The following DMD variants were observed in gnomAD, a reference collection of about 807,000 sequenced individuals.
The protein encoded by DMD is dystrophin, also known as mutant dystrophin.
A neutral mutation model predicts 330.1 loss-of-function variants in DMD; 63 were observed. That is an observed-to-expected ratio of 0.19 (90% CI 0.16 to 0.24). DMD has a LOEUF of 0.24. Ranked by LOEUF, DMD falls within the 10% of genes least tolerant of loss-of-function variation. DMD has a pLI of 1.00. For missense variants in DMD, 3,344 were observed against 2,684.1 expected (o/e 1.25, Z -5.43); for synonymous variants, 1,223 against 959.8 (o/e 1.27, Z -5.07).
intron 4 of DMD, among the ~76,000 whole-genome samples, chrX:32,839,423 C>T (rs2079957763): frequency 8.9e-6 from 1 of 111,743 alleles, no homozygotes; most frequent in Admixed American, 9.5e-5. Flanking sequence ...AGTATATATG[C>T]TTCATATTGC....
rs144519246 is a variant in DMD at position 32,452,749 on chromosome X, G to C, written c.3603+1913C>G. 6.8e-3 allele frequency among the ~76,000 whole-genome samples: 749 copies of C among 110,516 alleles called. 7 individuals are homozygous for C. The highest frequency in any genetic ancestry group is 0.055 in the South Asian group (146 of 2,641). ...CAAAGTCAAATTTTAAATTATTTTG[G>C]TCTTTTGAAATACTCCAATGGTTTT... On this transcript the variant is annotated intron_variant, in intron 26 of 78. Transcript: ENST00000357033.
At chrX:32,587,058 C>T (rs2054369399) in intron 13 of DMD, among the ~76,000 whole-genome samples, 1 of 111,126 alleles carries the variant, frequency 9.0e-6, no homozygotes, top group South Asian at 3.8e-4. Context: ...TAAATAACTT[C>T]TATTTCTTAA....
intron 57 of DMD, among the ~76,000 whole-genome samples, chrX:31,496,557 C>CT (rs1161964946): frequency 9.0e-6 from 1 of 111,179 alleles, no homozygotes; most frequent in Non-Finnish European, 1.9e-5. Context: ...TCATGAAAAG[C>CT]TTTTTTTTAT....
At chrX:32,824,803 G>A (rs1270046392) in intron 4 of DMD, among the ~76,000 whole-genome samples, 3 of 111,784 alleles carry the variant, frequency 2.7e-5, no homozygotes, top group Non-Finnish European at 5.6e-5. Flanking sequence ...AATACTATTG[G>A]TGGTTTTATG....
intron 7 of DMD, among the ~76,000 whole-genome samples, chrX:32,723,165 C>CT (rs1325394994): frequency 9.0e-6 from 1 of 111,399 alleles, no homozygotes; most frequent in Non-Finnish European, 1.9e-5. Flanking sequence ...TTATCAAATG[C>CT]TTTTTCTGCA....
intron 1 of DMD, among the ~76,000 whole-genome samples, chrX:33,270,353 A>C (rs1459147331): frequency 1.8e-5 from 2 of 111,371 alleles, no homozygotes; most frequent in Non-Finnish European, 3.8e-5. Context: ...AAAATCAGAC[A>C]AAGAATGGCA....
intron 44 of DMD, among the ~76,000 whole-genome samples, chrX:32,027,009 T>C (rs966498101): frequency 1.8e-5 from 2 of 111,093 alleles, no homozygotes; most frequent in Non-Finnish European, 3.8e-5. Flanking sequence ...CCAGTGGGGC[T>C]GGGAAATGTA....
rs59686294 is a variant in DMD at position 32,076,052 on chromosome X, C to CAAA, written c.6439-107541_6439-107539dup. Among the ~76,000 whole-genome samples, 49 of 18,761 alleles carry CAAA rather than the reference C, an allele frequency of 2.6e-3. 2 individuals are homozygous for CAAA. Among genetic ancestry groups the CAAA allele is most frequent in the Non-Finnish European group, 4.0e-3 (41 of 10,235 alleles). 16.3% of individuals were successfully genotyped at this position (18,761 alleles called of 115,157 possible). ...TGGGTGACAGAACGAGACTCTGTCT[C>CAAA]AAAAAAAAAAAAAAAAAAAAAAAAA... On this transcript the variant is annotated intron_variant, in intron 44 of 78. Transcript: ENST00000357033.
At chrX:32,579,427 G>A (rs1450481021) in intron 13 of DMD, among the ~76,000 whole-genome samples, 1 of 112,013 alleles carries the variant, frequency 8.9e-6, no homozygotes, top group African/African-American at 3.2e-5. Flanking sequence ...AGAAGCCACA[G>A]TACTGAGTGT....
Position 32,380,828 on chromosome X carries a change from T to G in DMD, c.4675-148A>C, listed in dbSNP as rs186298308. The G allele has an allele frequency of 1.8e-4, 92 of 503,826 alleles. No individual in the cohort carries two copies. The Admixed American group carries it at 2.7e-3, about 15-fold the overall frequency. The allele number at this position is 503,826 out of a possible 1,213,427, so 41.5% of individuals were successfully genotyped here. A position where few individuals can be genotyped will look rare whatever the true frequency, so the allele number is the denominator to read the frequency against. On this transcript the variant is annotated intron_variant, in intron 33 of 78. Transcript: ENST00000357033. ...AATAATATTTTATAAAAATCATATA[T>G]TCTGAATATTAAGAGTGAATAAAAA...
intron 1 of DMD, among the ~76,000 whole-genome samples, chrX:33,085,200 TG>T (rs2094987078): frequency 1.8e-5 from 2 of 111,877 alleles, no homozygotes; most frequent in Middle Eastern, 4.7e-3. Context: ...AAATGGAATA[TG>T]GCCTGAAAAC....
At position 32,734,142 on chromosome X, in the gene DMD, G is replaced by A. The variant is rs375987846; in HGVS notation, c.650-34849C>T. Among the ~76,000 whole-genome samples, 443 of 108,530 alleles carry A rather than the reference G, an allele frequency of 4.1e-3. 11 individuals carry two copies. The highest frequency in any genetic ancestry group is 0.014 in the African/African-American group (407 of 29,144). 94.2% of individuals were successfully genotyped at this position (108,530 alleles called of 115,157 possible). On this transcript the variant is annotated intron_variant, in intron 7 of 78. Transcript: ENST00000357033. ...CAGAGAATACTACAAACACCTCTAC[G>A]CAAATAAACTAGAAAATCTAGAAGA...
At chrX:32,905,757 C>T (rs1421618357) in intron 2 of DMD, among the ~76,000 whole-genome samples, 1 of 111,304 alleles carries the variant, frequency 9.0e-6, no homozygotes, top group Non-Finnish European at 1.9e-5. Flanking sequence ...TGAGATTTTG[C>T]ACAAGATGAT....
intron 20 of DMD, among the ~76,000 whole-genome samples, chrX:32,488,169 C>A (rs767232958): frequency 8.9e-5 from 10 of 112,042 alleles, no homozygotes; most frequent in Non-Finnish European, 1.7e-4. Flanking sequence ...AGAAGAGATA[C>A]TTTTCAACTG....
At chrX:33,149,190 GCTTT>G (rs199892570) in intron 1 of DMD, among the ~76,000 whole-genome samples, 8,317 of 111,035 alleles carry the variant, frequency 0.075, 332 homozygotes, top group South Asian at 0.19. Context: ...GGAGCCCTGA[GCTTT>G]CTTTCCTGCA....
chrX:31,375,106 C>T (rs373652296), intron 60 of DMD, among the ~76,000 whole-genome samples: 1 of 111,962 alleles, frequency 8.9e-6, no homozygotes, highest in South Asian at 3.7e-4. Flanking sequence ...GGACGCTAAG[C>T]TTGTGGGAGT....
intron 59 of DMD, among the ~76,000 whole-genome samples, chrX:31,473,160 C>A (rs754690085): frequency 3.9e-4 from 40 of 103,421 alleles, no homozygotes; most frequent in African/African-American, 1.4e-3. Context: ...AGTTCGAGAC[C>A]AGCCTGGCCA....
intron 7 of DMD, among the ~76,000 whole-genome samples, chrX:32,771,124 A>T (rs1057375311): frequency 9.8e-5 from 11 of 112,217 alleles, no homozygotes; most frequent in African/African-American, 3.6e-4. Flanking sequence ...GCCTATGATT[A>T]GCGCATGCAA....
At chrX:32,012,643 G>A (rs1256175749) in intron 44 of DMD, among the ~76,000 whole-genome samples, 1 of 111,686 alleles carries the variant, frequency 9.0e-6, no homozygotes, top group Non-Finnish European at 1.9e-5. Flanking sequence ...CCAAGCTCTG[G>A]TTTCAATCAA....
Sources: gnomAD v4.1 joint callset for allele counts (sites outside exome capture counted in the v4.1 genomes callset) on GRCh38, gnomAD v4.1.1 for gene constraint, MANE v1.5 for transcripts, NCBI Gene and HGNC (gene_info 2026-07-23, HGNC 2026-07-21) for gene names.